KIAA1549L: variants seen among roughly 807,000 people sequenced by gnomAD.
The protein encoded by KIAA1549L is KIAA1549 like.
A neutral mutation model predicts 160.7 loss-of-function variants in KIAA1549L; 88 were observed. The observed-to-expected ratio is 0.55, with a 90% CI of 0.46 to 0.65. The LOEUF is 0.65. KIAA1549L is among the 30% of genes least tolerant of loss of function. The pLI, the probability that KIAA1549L is intolerant of heterozygous loss-of-function variation, is 0.00. For synonymous variants in KIAA1549L, 950 were observed against 976.7 expected (o/e 0.97, Z 0.51); for missense variants, 2,258 against 2,437.5 (o/e 0.93, Z 1.55).
chr11:33,642,180 C>T (rs1851604566), intron 16 of KIAA1549L, among the ~76,000 whole-genome samples: 1 of 152,136 alleles, frequency 6.6e-6, no homozygotes, highest in African/African-American at 2.4e-5. Flanking sequence ...CATAGTTCAA[C>T]TCTCCCATTT....
rs1852630489 is a variant in KIAA1549L at position 33,670,331 on chromosome 11, G to C, written c.*2177G>C. 1 of 152,250 alleles carries C rather than the reference G, an allele frequency of 6.6e-6. No homozygotes were observed. The highest frequency in any genetic ancestry group is 2.1e-4 in the South Asian group (1 of 4,834). The allele number at this position is 152,250 out of a possible 1,614,324, so 9.4% of individuals were successfully genotyped here. On this transcript the variant is annotated 3_prime_UTR_variant, in exon 21 of 21. Coordinates refer to ENST00000658780, the MANE Select transcript of KIAA1549L (RefSeq NM_012194.3). ...AGAAGACAGTGTCTGAAATTTGGCTGTTTCAATGACTTACAGAGACTGAGT... is the reference window on the plus strand; with the variant it reads ...AGAAGACAGTGTCTGAAATTTGGCTCTTTCAATGACTTACAGAGACTGAGT...
intron 1 of KIAA1549L, among the ~76,000 whole-genome samples, chr11:33,407,338 C>T (rs1850686591): frequency 6.6e-6 from 1 of 151,180 alleles, no homozygotes; most frequent in African/African-American, 2.4e-5. Flanking sequence ...CCCGCCTCGG[C>T]AGTCCTTTTT....
At chr11:33,459,155 G>T (rs1379217981) in intron 1 of KIAA1549L, among the ~76,000 whole-genome samples, 1 of 152,194 alleles carries the variant, frequency 6.6e-6, no homozygotes, top group Non-Finnish European at 1.5e-5. Flanking sequence ...CTCTACAGCA[G>T]CTTGAATTGA....
chr11:33,401,997 C>G (rs560977440), intron 1 of KIAA1549L, among the ~76,000 whole-genome samples: 29 of 152,324 alleles, frequency 1.9e-4, no homozygotes, highest in African/African-American at 7.0e-4. Flanking sequence ...CAGTTGTTCC[C>G]GTGGGGGAAT....
Position 33,598,489 on chromosome 11 carries a change from A to G in KIAA1549L, c.4752-331A>G, listed in dbSNP as rs73492966. On this transcript the variant is annotated intron_variant, in intron 12 of 20. Transcript: ENST00000658780. Reference sequence around the variant, plus strand: ...ACACTATCCAGAGTGCTGGGTATTAAAAACAGGCTATGCTGCATGGATGCC... The same window carrying G: ...ACACTATCCAGAGTGCTGGGTATTAGAAACAGGCTATGCTGCATGGATGCC... Among the ~76,000 whole-genome samples, 1,437 of 152,278 alleles carry G rather than the reference A, an allele frequency of 9.4e-3. 16 individuals are homozygous for G. Among genetic ancestry groups the G allele is most frequent in the African/African-American group, 0.03 (1,247 of 41,542 alleles).
intron 1 of KIAA1549L, among the ~76,000 whole-genome samples, chr11:33,497,741 A>G (rs1852853647): frequency 6.6e-6 from 1 of 152,256 alleles, no homozygotes; most frequent in Admixed American, 6.5e-5. Context: ...AAAACATTTT[A>G]TATTTACTTA....
intron 13 of KIAA1549L, among the ~76,000 whole-genome samples, chr11:33,602,341 AAC>A (rs992372230): frequency 2.9e-4 from 44 of 152,368 alleles, no homozygotes; most frequent in African/African-American, 9.6e-4. Context: ...CTAGCTCAAA[AAC>A]ACAGTTTCAG....
chr11:33,636,869 G>A (rs955428187), intron 16 of KIAA1549L, among the ~76,000 whole-genome samples: 1 of 152,088 alleles, frequency 6.6e-6, no homozygotes, highest in Non-Finnish European at 1.5e-5. Context: ...TATTACACTA[G>A]GGAAAACTGG....
chr11:33,412,393 C>A (rs1850802401), intron 1 of KIAA1549L, among the ~76,000 whole-genome samples: 1 of 152,156 alleles, frequency 6.6e-6, no homozygotes, highest in Admixed American at 6.6e-5. Context: ...AGCTGTTTTG[C>A]AGACTTAAGT....
At chr11:33,594,813 C>G (rs969439183) in intron 12 of KIAA1549L, among the ~76,000 whole-genome samples, 1 of 152,168 alleles carries the variant, frequency 6.6e-6, no homozygotes, top group Non-Finnish European at 1.5e-5. Flanking sequence ...CAGAGCAGAG[C>G]TGAAATGTAC....
chr11:33,634,927 T>C (rs1851398151), intron 16 of KIAA1549L, among the ~76,000 whole-genome samples: 1 of 151,316 alleles, frequency 6.6e-6, no homozygotes, highest in South Asian at 2.1e-4. Context: ...AGAATGAAAT[T>C]TGAAATTTTG....
At chr11:33,631,584 C>T (rs183989850) in intron 16 of KIAA1549L, among the ~76,000 whole-genome samples, 10 of 152,290 alleles carry the variant, frequency 6.6e-5, no homozygotes, top group Non-Finnish European at 1.3e-4. Context: ...CGTCTCCAGG[C>T]ATTGCAGATG....
Position 33,604,601 on chromosome 11 carries a change from A to G in KIAA1549L, c.4880-2040A>G, listed in dbSNP as rs150824556. ...AAAGAAAATGTAGTATATATACACC[A>G]TGGAATACACTACTCAGCCATAAGA... is the stretch of plus-strand genomic sequence containing the variant. On this transcript the variant is annotated intron_variant, in intron 13 of 20. Transcript: ENST00000658780. Among the ~76,000 whole-genome samples, 650 of 152,366 alleles carry G rather than the reference A, an allele frequency of 4.3e-3. 9 individuals carry two copies. Among genetic ancestry groups the G allele is most frequent in the African/African-American group, 0.014 (596 of 41,578 alleles).
At chr11:33,602,886 T>C (rs1206374998) in intron 13 of KIAA1549L, among the ~76,000 whole-genome samples, 4 of 152,226 alleles carry the variant, frequency 2.6e-5, no homozygotes, top group Non-Finnish European at 4.4e-5. Flanking sequence ...CAAATCTGAA[T>C]AAAAGTTTTT....
At chr11:33,387,084 G>C (rs905762542) in intron 1 of KIAA1549L, among the ~76,000 whole-genome samples, 2 of 152,006 alleles carry the variant, frequency 1.3e-5, no homozygotes, top group African/African-American at 4.8e-5. Flanking sequence ...TCCAGCCTGG[G>C]TGACATAGCA....
Position 33,376,460 on chromosome 11 carries a change from G to A in KIAA1549L, c.-192G>A, listed in dbSNP as rs867876477. The A allele has an allele frequency of 6.7e-4, 99 of 147,532 alleles. 1 individual carries two copies. Among genetic ancestry groups the A allele is most frequent in the African/African-American group, 2.2e-3 (92 of 41,006 alleles). The allele number at this position is 147,532 out of a possible 1,614,324, so 9.1% of individuals were successfully genotyped here. A position where few individuals can be genotyped will look rare whatever the true frequency, so the allele number is the denominator to read the frequency against. On this transcript the variant is annotated 5_prime_UTR_variant, in exon 1 of 21. Transcript: ENST00000658780. This position sits in a 1 kb window ranked among gnomAD's most constrained non-coding sequence, Gnocchi z 5.8. ...TCCATGCGGGCCCGGCCCCTGCGCG[G>A]GTGAAGCCGCGGCTCCCTGGAGCCC...
At chr11:33,667,162 A>T (rs1277296122) in intron 20 of KIAA1549L, among the ~76,000 whole-genome samples, 1 of 152,198 alleles carries the variant, frequency 6.6e-6, no homozygotes, top group African/African-American at 2.4e-5. Context: ...GTACCACTGC[A>T]CTACAGCCTG....
At chr11:33,658,502 C>A (rs995015462) in intron 18 of KIAA1549L, among the ~76,000 whole-genome samples, 29 of 152,192 alleles carry the variant, frequency 1.9e-4, no homozygotes, top group Admixed American at 1.4e-3. Flanking sequence ...TAGGGGAGAA[C>A]TGACCTTGAA....
chr11:33,569,535 T>C (rs1565190875), intron 9 of KIAA1549L, among the ~76,000 whole-genome samples: 1 of 152,198 alleles, frequency 6.6e-6, no homozygotes, highest in Non-Finnish European at 1.5e-5. Context: ...ATTGCAGCCA[T>C]TAGCATAGTC....
Sources: gnomAD v4.1 joint callset for allele counts (sites outside exome capture counted in the v4.1 genomes callset) on GRCh38, gnomAD v4.1.1 for gene constraint, Gnocchi (gnomAD v3.1) non-coding constraint, MANE v1.5 for transcripts, NCBI Gene and HGNC (gene_info 2026-07-23, HGNC 2026-07-21) for gene names.